Variants in ARHGEF3 observed in about 807,000 individuals in gnomAD.
The protein encoded by ARHGEF3 is 59.8 kDA protein.
ARHGEF3 carries 28 observed loss-of-function variants against 63.2 expected under a neutral mutation model. That is an observed-to-expected ratio of 0.44 (90% CI 0.33 to 0.61). The LOEUF is 0.61. ARHGEF3 is among the 20% of genes least tolerant of loss of function. ARHGEF3 has a pLI of 0.03. For synonymous variants in ARHGEF3, 266 were observed against 254.2 expected, an observed-to-expected ratio of 1.05 and a Z score of -0.44; for missense variants, 533 against 659.3, an observed-to-expected ratio of 0.81 and a Z score of 2.10.
At chr3:56,872,366 T>C (rs1282302367) in intron 4 of ARHGEF3, among the ~76,000 whole-genome samples, 1 of 152,232 alleles carries the variant, frequency 6.6e-6, no homozygotes, top group African/African-American at 2.4e-5. Flanking sequence ...GCATAACGTA[T>C]ATAGCATGTG....
chr3:56,997,232 C>G (rs1702029524), intron 2 of ARHGEF3, among the ~76,000 whole-genome samples: 1 of 152,120 alleles, frequency 6.6e-6, no homozygotes. Context: ...CTTTCTGACC[C>G]TCATGACCTC....
chr3:57,005,653 C>T (rs1702439043), intron 2 of ARHGEF3, among the ~76,000 whole-genome samples: 1 of 152,206 alleles, frequency 6.6e-6, no homozygotes, highest in Non-Finnish European at 1.5e-5. Context: ...AGACCTCACT[C>T]ATCCATGTCT....
chr3:56,860,066 A>AGATC (rs1035916309), intron 4 of ARHGEF3, among the ~76,000 whole-genome samples: 1 of 152,086 alleles, frequency 6.6e-6, no homozygotes, highest in African/African-American at 2.4e-5. Context: ...ATAGATAGAT[A>AGATC]GATCGATAGA....
chr3:56,860,417 AAGC>A (rs1315622451), intron 4 of ARHGEF3, among the ~76,000 whole-genome samples: 1 of 152,172 alleles, frequency 6.6e-6, no homozygotes, highest in Non-Finnish European at 1.5e-5. Context: ...TCCTGGCCTC[AAGC>A]AGTCCTTCCA....
intron 3 of ARHGEF3, among the ~76,000 whole-genome samples, chr3:56,924,334 A>G (rs1038500239): frequency 2.4e-4 from 36 of 152,210 alleles, no homozygotes; most frequent in African/African-American, 8.2e-4. Context: ...ACCACTGCCT[A>G]TTAGATGAAA....
chr3:56,906,279 T>C (rs943034195), intron 3 of ARHGEF3, among the ~76,000 whole-genome samples: 3 of 152,206 alleles, frequency 2.0e-5, no homozygotes, highest in Non-Finnish European at 4.4e-5. Flanking sequence ...GCTCAATAGC[T>C]AACTGAGGCT....
At chr3:57,078,512 G>C (rs1278257769) in intron 1 of ARHGEF3, 3 of 152,384 alleles carry the variant, frequency 2.0e-5, no homozygotes, top group Non-Finnish European at 4.4e-5. Flanking sequence ...GTTTCCACTC[G>C]GCTCAATCAG....
chr3:56,878,423 CAG>C (rs964317512), intron 4 of ARHGEF3, among the ~76,000 whole-genome samples: 1 of 152,160 alleles, frequency 6.6e-6, no homozygotes, highest in African/African-American at 2.4e-5. Flanking sequence ...GGGGCCCAGT[CAG>C]GGGATTGGGT....
chr3:56,951,319 C>T (rs953922454), intron 3 of ARHGEF3, among the ~76,000 whole-genome samples: 7 of 151,554 alleles, frequency 4.6e-5, no homozygotes, highest in African/African-American at 1.7e-4. Flanking sequence ...GAAATTGCCA[C>T]AGCCACCCCA....
intron 3 of ARHGEF3, among the ~76,000 whole-genome samples, chr3:56,888,940 A>T (rs780702554): frequency 2.6e-5 from 4 of 151,996 alleles, no homozygotes; most frequent in Admixed American, 2.6e-4. Flanking sequence ...AACAAAAATG[A>T]CCAGGGGGTC....
chr3:57,003,923 C>A (rs1239403294), intron 2 of ARHGEF3, among the ~76,000 whole-genome samples: 1 of 152,224 alleles, frequency 6.6e-6, no homozygotes, highest in Non-Finnish European at 1.5e-5. Flanking sequence ...TGCATGGAGA[C>A]TTCTGATCTC....
chr3:56,952,489 A>C (rs1244857951), intron 3 of ARHGEF3, among the ~76,000 whole-genome samples: 1 of 152,208 alleles, frequency 6.6e-6, no homozygotes, highest in East Asian at 1.9e-4. Flanking sequence ...CAGAACTCCA[A>C]GCTAGTGAAC....
intron 8 of ARHGEF3, 77 bp downstream of exon 8, chr3:56,737,108 C>T: frequency 7.1e-7 from 1 of 1,403,966 alleles, no homozygotes; most frequent in Non-Finnish European, 9.6e-7. Flanking sequence ...GGAAGAAATT[C>T]TAAGAGGAGG....
intron 2 of ARHGEF3, among the ~76,000 whole-genome samples, 178 bp downstream of exon 2, chr3:56,773,531 T>TA (rs1559926633): frequency 6.6e-6 from 1 of 152,220 alleles, no homozygotes; most frequent in Non-Finnish European, 1.5e-5. Context: ...TGCATGACCC[T>TA]TGACTGCAAC....
chr3:57,037,024 T>C (rs1425340821), intron 1 of ARHGEF3, among the ~76,000 whole-genome samples: 1 of 152,182 alleles, frequency 6.6e-6, no homozygotes, highest in Non-Finnish European at 1.5e-5. Context: ...AGCCACTGCC[T>C]CCAGTGCCGG....
chr3:56,948,104 G>C (rs577484210), intron 3 of ARHGEF3, among the ~76,000 whole-genome samples: 1 of 152,248 alleles, frequency 6.6e-6, no homozygotes, highest in East Asian at 1.9e-4. Context: ...CAACATACCA[G>C]AATCTCTGGG....
chr3:56,760,482 G>A (rs575248111), intron 2 of ARHGEF3, among the ~76,000 whole-genome samples: 65 of 152,274 alleles, frequency 4.3e-4, no homozygotes, highest in African/African-American at 1.5e-3. Context: ...CTTGCTTTGC[G>A]TTTCCCTAGT....
intron 1 of ARHGEF3, chr3:57,074,157 CCCA>C: frequency 6.2e-7 from 1 of 1,614,150 alleles, no homozygotes; most frequent in Non-Finnish European, 8.5e-7. Flanking sequence ...AGATGCCGAG[CCCA>C]GTAGCACAGG....
At chr3:56,785,069 C>G (rs1475741283) in intron 1 of ARHGEF3, among the ~76,000 whole-genome samples, 2 of 152,158 alleles carry the variant, frequency 1.3e-5, no homozygotes, top group Non-Finnish European at 2.9e-5. Context: ...CTGCCCTCTT[C>G]TATTCCCTGC....
Sources: allele counts gnomAD v4.1 joint callset (sites outside exome capture counted in the v4.1 genomes callset), GRCh38; gene constraint gnomAD v4.1.1; transcripts MANE v1.5; gene names NCBI Gene and HGNC (gene_info 2026-07-23, HGNC 2026-07-21).